Variants in METAP2 observed in about 807,000 individuals in gnomAD.
METAP2 encodes the protein methionine aminopeptidase 2.
In METAP2, 25 loss-of-function variants were observed where a neutral mutation model predicts 59.4. The observed-to-expected ratio is 0.42, with a 90% CI of 0.31 to 0.59. The LOEUF is 0.59. Among genes scored for constraint, METAP2 ranks in the 20% least tolerant of loss-of-function variants. METAP2 has a pLI of 0.16. For synonymous variants in METAP2, 214 were observed against 194.1 expected, an observed-to-expected ratio of 1.10 and a Z score of -0.85; for missense variants, 366 against 581.2, an observed-to-expected ratio of 0.63 and a Z score of 3.81.
At chr12:95,494,323 A>G in intron 5 of METAP2, 106 bp downstream of exon 5, 1 of 1,101,362 alleles carries the variant, frequency 9.1e-7, no homozygotes, top group Non-Finnish European at 1.3e-6. Flanking sequence ...TAAATCTTTA[A>G]GTAAAGGTTG....
At chr12:95,489,166 A>G (rs2076219571) in intron 4 of METAP2, among the ~76,000 whole-genome samples, 1 of 152,166 alleles carries the variant, frequency 6.6e-6, no homozygotes, top group African/African-American at 2.4e-5. Flanking sequence ...GAGGAAAGCC[A>G]TTGATTTCTT....
chr12:95,500,343 C>A (rs1481179730), intron 7 of METAP2, among the ~76,000 whole-genome samples: 1 of 152,150 alleles, frequency 6.6e-6, no homozygotes, highest in African/African-American at 2.4e-5. Context: ...ATCATATAAT[C>A]TGTGAACAGA....
intron 2 of METAP2, among the ~76,000 whole-genome samples, chr12:95,477,256 C>T (rs2076127243): frequency 6.6e-6 from 1 of 151,944 alleles, no homozygotes. Flanking sequence ...TGCCACCATG[C>T]CCAACTAATT....
rs911762976 is a variant in METAP2 at position 95,513,966 on chromosome 12, A to C, written c.*62A>C. ...GAGCTTTGTTGGAAAACATGATACC[A>C]GAATTAATTTGCCACATGTTGTCTG... On this transcript the variant is annotated 3_prime_UTR_variant, in exon 11 of 11. Transcript: ENST00000323666. 1 of 1,526,766 alleles carries C rather than the reference A, an allele frequency of 6.5e-7. No individual in the cohort carries two copies. The highest frequency in any genetic ancestry group is 8.8e-7 in the Non-Finnish European group (1 of 1,131,624). 94.6% of individuals were successfully genotyped at this position (1,526,766 alleles called of 1,614,324 possible). A position where few individuals can be genotyped will look rare whatever the true frequency, so the allele number is the denominator to read the frequency against.
intron 2 of METAP2, among the ~76,000 whole-genome samples, chr12:95,479,612 TC>T (rs2076144287): frequency 6.7e-6 from 1 of 149,618 alleles, no homozygotes; most frequent in Non-Finnish European, 1.5e-5. Context: ...TAGTCACCAC[TC>T]TTTTTTTTTT....
intron 2 of METAP2, among the ~76,000 whole-genome samples, chr12:95,481,720 A>G (rs2076159506): frequency 6.6e-6 from 1 of 152,234 alleles, no homozygotes; most frequent in Non-Finnish European, 1.5e-5. Context: ...GAGGGAGGCT[A>G]AATAACTTGC....
At chr12:95,502,553 T>TGG (rs939256409) in intron 7 of METAP2, among the ~76,000 whole-genome samples, 1 of 151,674 alleles carries the variant, frequency 6.6e-6, no homozygotes, top group Non-Finnish European at 1.5e-5. Context: ...TGTGTGTGTG[T>TGG]GGGGGGGTTT....
intron 3 of METAP2, 151 bp from the exon 4 acceptor site, chr12:95,485,728 C>G: frequency 1.8e-6 from 1 of 547,324 alleles, no homozygotes; most frequent in East Asian, 3.2e-5. Flanking sequence ...AGGTGGCCAG[C>G]ATGATGAAGT....
chr12:95,496,893 C>T (rs536748450), intron 7 of METAP2, among the ~76,000 whole-genome samples: 30 of 139,704 alleles, frequency 2.1e-4, no homozygotes, highest in Middle Eastern at 8.5e-3. Context: ...GGCACGATCT[C>T]GACTCACTGC....
At chr12:95,493,791 T>C (rs2076256547) in intron 4 of METAP2, among the ~76,000 whole-genome samples, 1 of 152,226 alleles carries the variant, frequency 6.6e-6, no homozygotes. Flanking sequence ...TATTATCTTT[T>C]TGTGTTGTCA....
chr12:95,488,332 T>G (rs1352316992), intron 4 of METAP2, among the ~76,000 whole-genome samples: 3 of 151,528 alleles, frequency 2.0e-5, no homozygotes, highest in African/African-American at 7.3e-5. Flanking sequence ...AAACCCCGTC[T>G]CTACTAAAAA....
Position 95,500,626 on chromosome 12 carries a change from C to T in METAP2, c.868-3439C>T, listed in dbSNP as rs149452576. Among the ~76,000 whole-genome samples, 127 of 152,254 alleles carry T rather than the reference C, an allele frequency of 8.3e-4. 1 individual carries two copies. The highest frequency in any genetic ancestry group is 3.0e-3 in the African/African-American group (125 of 41,554). On this transcript the variant is annotated intron_variant, in intron 7 of 10. Coordinates refer to ENST00000323666, the MANE Select transcript of METAP2 (RefSeq NM_006838.4). ...GTTGAATTTTGTCATGCTTTTTCTG[C>T]ATCAATTCAGACAGTCATATGGTTA...
At chr12:95,513,366 CT>C (rs767062426) in intron 10 of METAP2, among the ~76,000 whole-genome samples, 1 of 152,158 alleles carries the variant, frequency 6.6e-6, no homozygotes, top group Non-Finnish European at 1.5e-5. Flanking sequence ...TCATAATACC[CT>C]GTAGTAGGTC....
intron 7 of METAP2, among the ~76,000 whole-genome samples, chr12:95,498,029 A>AG (rs1262283017): frequency 2.0e-5 from 3 of 150,666 alleles, no homozygotes; most frequent in Admixed American, 2.0e-4. Flanking sequence ...GCTACTGAGG[A>AG]GGCTGAGGCA....
chr12:95,512,555 T>C (rs1377236085), intron 9 of METAP2, among the ~76,000 whole-genome samples: 1 of 151,960 alleles, frequency 6.6e-6, no homozygotes, highest in East Asian at 1.9e-4. Flanking sequence ...CTACTAAAAA[T>C]ACAAAAATTA....
intron 2 of METAP2, among the ~76,000 whole-genome samples, chr12:95,481,477 C>T (rs534974436): frequency 6.6e-6 from 1 of 152,284 alleles, no homozygotes; most frequent in Admixed American, 6.5e-5. Context: ...GAAGAAAAGA[C>T]ATGTAAAAGC....
chr12:95,481,824 G>A (rs2076160411), intron 2 of METAP2, among the ~76,000 whole-genome samples: 1 of 152,144 alleles, frequency 6.6e-6, no homozygotes, highest in Admixed American at 6.5e-5. Flanking sequence ...CATACACTAG[G>A]TATAGTGCTA....
rs1383719902 is a variant in METAP2, at chr12:95,515,069, A to T, written c.*1165A>T. ...AATAATTTTATGGGAATGTTCCATC[A>T]TAATTTCTAAATCATTTATATATCA... On this transcript the variant is annotated 3_prime_UTR_variant, in exon 11 of 11. Coordinates refer to ENST00000323666, the MANE Select transcript of METAP2 (RefSeq NM_006838.4). 1 of 152,666 alleles carries T rather than the reference A, an allele frequency of 6.6e-6. No homozygotes were observed. The highest frequency in any genetic ancestry group is 6.5e-5 in the Admixed American group (1 of 15,276). The allele number at this position is 152,666 out of a possible 1,614,324, so 9.5% of individuals were successfully genotyped here.
intron 1 of METAP2, among the ~76,000 whole-genome samples, chr12:95,475,158 A>C (rs2076109031): frequency 6.6e-6 from 1 of 152,200 alleles, no homozygotes; most frequent in African/African-American, 2.4e-5. Flanking sequence ...AAGCTCCTTC[A>C]CCTTAATAAA....
Sources: gnomAD v4.1 joint callset for allele counts (sites outside exome capture counted in the v4.1 genomes callset) on GRCh38, gnomAD v4.1.1 for gene constraint, MANE v1.5 for transcripts, NCBI Gene and HGNC (gene_info 2026-07-23, HGNC 2026-07-21) for gene names.